Variants in MECOM observed in about 807,000 individuals in gnomAD.
The protein encoded by MECOM is MDS1 and EVI1 complex locus.
Under a neutral mutation model 116.3 loss-of-function variants are expected in MECOM, and 13 were observed. The observed-to-expected ratio is 0.11, with a 90% CI of 0.07 to 0.18. The LOEUF (loss-of-function observed/expected upper bound fraction) is 0.18. MECOM is among the 10% of genes least tolerant of loss of function. The pLI is 1.00. For missense variants in MECOM, 1,299 were observed against 1,509.0 expected (o/e 0.86, Z 2.31); for synonymous variants, 528 against 535.2 (o/e 0.99, Z 0.19).
chr3:169,468,361 A>G (rs181834605), intron 1 of MECOM, among the ~76,000 whole-genome samples: 49 of 152,304 alleles, frequency 3.2e-4, no homozygotes, highest in Admixed American at 5.9e-4. Context: ...TTTTATGTGT[A>G]CAAACACGTA....
At chr3:169,367,708 G>C (rs1729419991) in intron 2 of MECOM, among the ~76,000 whole-genome samples, 1 of 151,976 alleles carries the variant, frequency 6.6e-6, no homozygotes, top group African/African-American at 2.4e-5. Context: ...TAAAAGTCGG[G>C]TCTGAAAGCT....
At chr3:169,292,297 C>T (rs1714724407) in intron 2 of MECOM, among the ~76,000 whole-genome samples, 1 of 152,110 alleles carries the variant, frequency 6.6e-6, no homozygotes, top group Non-Finnish European at 1.5e-5. Flanking sequence ...CGCACAACCA[C>T]ACCCCAGCCT....
intron 1 of MECOM, among the ~76,000 whole-genome samples, chr3:169,592,105 C>T (rs1450880493): frequency 1.3e-5 from 2 of 152,184 alleles, no homozygotes; most frequent in African/African-American, 4.8e-5. Context: ...CAACCAGTCT[C>T]GCTCTTCATC....
chr3:169,433,556 A>AAGAT (rs1165218269), intron 1 of MECOM, among the ~76,000 whole-genome samples: 2 of 148,186 alleles, frequency 1.3e-5, no homozygotes, highest in Non-Finnish European at 3.0e-5. Flanking sequence ...AAAAGAAAGA[A>AAGAT]AGAGGAAGGA....
intron 2 of MECOM, among the ~76,000 whole-genome samples, chr3:169,172,788 A>G (rs1577247378): frequency 6.6e-6 from 1 of 152,288 alleles, no homozygotes; most frequent in Non-Finnish European, 1.5e-5. Context: ...TGCAAGCTCT[A>G]CAGCTAACCG....
chr3:169,086,659 G>C lies in MECOM; in HGVS notation c.3586-1616C>G, dbSNP rs116497170. 979 of 678,516 alleles carry C rather than the reference G, an allele frequency of 1.4e-3. 4 individuals are homozygous for C. Among genetic ancestry groups the C allele is most frequent in the Middle Eastern group, 0.011 (48 of 4,260 alleles). 42.0% of individuals were successfully genotyped at this position (678,516 alleles called of 1,614,324 possible). On this transcript the variant is annotated intron_variant, in intron 16 of 16. Coordinates refer to ENST00000651503, the MANE Select transcript of MECOM (RefSeq NM_004991.4). ...TTACATAAAGTGTTTAGCTCAGTGT[G>C]CCTGACTGAGGTAATACATAAATAG...
chr3:169,576,856 G>GA (rs1764574810), intron 1 of MECOM, among the ~76,000 whole-genome samples: 1 of 149,986 alleles, frequency 6.7e-6, no homozygotes, highest in African/African-American at 2.5e-5. Context: ...GAGAGAGAGA[G>GA]TTAAGAGTGA....
rs1716815802 is a variant in MECOM, at chr3:169,083,518, A to C, written c.*1391T>G. The C allele has an allele frequency of 5.5e-6, 1 of 181,678 alleles. No homozygotes were observed. The highest frequency in any genetic ancestry group is 9.1e-5 in the East Asian group (1 of 11,024). The allele number at this position is 181,678 out of a possible 1,614,324, so 11.3% of individuals were successfully genotyped here. A position where few individuals can be genotyped will look rare whatever the true frequency, so the allele number is the denominator to read the frequency against. ...GTGGGGAAAAATACTCCTTTTTGTA[A>C]GTCTTTATTTTTTAGTTGCTCCTCC... On this transcript the variant is annotated 3_prime_UTR_variant, in exon 17 of 17. Transcript: ENST00000651503.
At chr3:169,396,568 T>C (rs558424632) in intron 1 of MECOM, among the ~76,000 whole-genome samples, 37 of 152,358 alleles carry the variant, frequency 2.4e-4, no homozygotes, top group Non-Finnish European at 4.0e-4. Flanking sequence ...ACCTGTTTTG[T>C]TTTACCTGCT....
At chr3:169,378,449 G>GC (rs1731552068) in intron 2 of MECOM, among the ~76,000 whole-genome samples, 2 of 59,620 alleles carry the variant, frequency 3.4e-5, no homozygotes, top group African/African-American at 1.1e-4. Flanking sequence ...AAGAAAGAAA[G>GC]AAGGAAAGCA....
chr3:169,658,412 G>A (rs1233530584), intron 1 of MECOM, among the ~76,000 whole-genome samples: 1 of 152,186 alleles, frequency 6.6e-6, no homozygotes, highest in African/African-American at 2.4e-5. Context: ...CCTGCCCTCC[G>A]CGCAAGAGTG....
chr3:169,581,522 T>C (rs962994004), intron 1 of MECOM, among the ~76,000 whole-genome samples: 2 of 152,230 alleles, frequency 1.3e-5, no homozygotes, highest in African/African-American at 2.4e-5. Flanking sequence ...TGAGATGTTA[T>C]GTTTAACCTC....
At chr3:169,606,997 G>A (rs1577085150) in intron 1 of MECOM, among the ~76,000 whole-genome samples, 1 of 152,214 alleles carries the variant, frequency 6.6e-6, no homozygotes, top group East Asian at 1.9e-4. Context: ...TAAAAGGACA[G>A]AGAAGGGGAA....
chr3:169,646,369 G>T (rs981670003), intron 1 of MECOM, among the ~76,000 whole-genome samples: 5 of 151,126 alleles, frequency 3.3e-5, no homozygotes, highest in African/African-American at 1.2e-4. Context: ...TGTAAATGAC[G>T]AGTTAAAGGG....
At position 169,375,319 on chromosome 3, in the gene MECOM, A is replaced by G. The variant is rs191229310; in HGVS notation, c.375+5868T>C. On this transcript the variant is annotated intron_variant, in intron 2 of 16. Coordinates refer to ENST00000651503, the MANE Select transcript of MECOM (RefSeq NM_004991.4). ...GCTAGCAGAAGACAAGAAATAATCT[A>G]AGATCAGAGCACAACTGAAGAAGAT... Among the ~76,000 whole-genome samples the G allele has an allele frequency of 4.8e-3, 737 of 152,240 alleles. 13 individuals are homozygous for G. Among genetic ancestry groups the G allele is most frequent in the Non-Finnish European group, 2.5e-3 (167 of 68,004 alleles).
intron 1 of MECOM, among the ~76,000 whole-genome samples, chr3:169,437,701 G>A (rs997979066): frequency 4.6e-5 from 7 of 152,162 alleles, no homozygotes; most frequent in African/African-American, 1.2e-4. Flanking sequence ...GATTTATAGA[G>A]AAACGTGTTT....
intron 1 of MECOM, among the ~76,000 whole-genome samples, chr3:169,409,939 C>T (rs1170539383): frequency 1.3e-5 from 2 of 152,144 alleles, no homozygotes; most frequent in African/African-American, 4.8e-5. Context: ...TCTTTTCTGA[C>T]AAGTGTGGAT....
At chr3:169,519,024 G>T (rs1159505975) in intron 1 of MECOM, among the ~76,000 whole-genome samples, 1 of 152,152 alleles carries the variant, frequency 6.6e-6, no homozygotes, top group African/African-American at 2.4e-5. Context: ...CCAGCAGCAT[G>T]AAAAAGGACT....
chr3:169,374,706 G>A (rs527304191), intron 2 of MECOM, among the ~76,000 whole-genome samples: 4 of 151,688 alleles, frequency 2.6e-5, no homozygotes, highest in South Asian at 2.1e-4. Flanking sequence ...TTTCTTGGTG[G>A]GACAAAATTT....
Sources: allele counts gnomAD v4.1 joint callset (sites outside exome capture counted in the v4.1 genomes callset), GRCh38; gene constraint gnomAD v4.1.1; transcripts MANE v1.5; gene names NCBI Gene and HGNC (gene_info 2026-07-23, HGNC 2026-07-21).